Variants in MTUS2 observed in about 807,000 individuals in gnomAD.
MTUS2 encodes the protein microtubule-associated tumor suppressor candidate 2.
MTUS2 carries 40 observed loss-of-function variants against 114.1 expected under a neutral mutation model. That is an observed-to-expected ratio of 0.35 (90% CI 0.27 to 0.46). MTUS2 has a LOEUF of 0.46. MTUS2 is among the 20% of genes least tolerant of loss of function. MTUS2 has a pLI of 1.00. For missense variants in MTUS2, 1,679 were observed against 1,705.4 expected (o/e 0.98, Z 0.27); for synonymous variants, 688 against 672.0 (o/e 1.02, Z -0.37).
chr13:29,226,403 G>A (rs1314446460), intron 5 of MTUS2, among the ~76,000 whole-genome samples: 1 of 152,034 alleles, frequency 6.6e-6, no homozygotes, highest in Non-Finnish European at 1.5e-5. Context: ...AAATATCAAA[G>A]CTTTTCACTT....
chr13:29,053,583 T>A (rs1410866724), intron 4 of MTUS2, among the ~76,000 whole-genome samples: 1 of 152,200 alleles, frequency 6.6e-6, no homozygotes, highest in Non-Finnish European at 1.5e-5. Context: ...CCTACTACCT[T>A]ATCCCAGGTG....
intron 2 of MTUS2, among the ~76,000 whole-genome samples, chr13:28,876,760 G>A (rs1364456061): frequency 2.0e-5 from 3 of 152,082 alleles, no homozygotes; most frequent in Non-Finnish European, 4.4e-5. Context: ...AACAGAATCA[G>A]GGTTTCATTA....
intron 2 of MTUS2, among the ~76,000 whole-genome samples, chr13:28,891,834 C>T (rs1294300778): frequency 1.4e-5 from 2 of 139,056 alleles, no homozygotes; most frequent in South Asian, 2.3e-4. Context: ...GCCGAGATCA[C>T]GCCACTGCAC....
At chr13:28,825,936 T>C (rs897464672) in intron 1 of MTUS2, among the ~76,000 whole-genome samples, 2 of 152,208 alleles carry the variant, frequency 1.3e-5, no homozygotes, top group Non-Finnish European at 1.5e-5. Context: ...GTGCCTGTCA[T>C]GACTTCATGT....
intron 1 of MTUS2, among the ~76,000 whole-genome samples, chr13:28,831,390 C>T (rs1464068221): frequency 6.6e-6 from 1 of 152,114 alleles, no homozygotes; most frequent in Non-Finnish European, 1.5e-5. Context: ...CAACTATATG[C>T]CATTCACCAC....
chr13:29,025,736 G>A lies in MTUS2; in HGVS notation c.1038G>A (p.Arg346=). The A allele has an allele frequency of 1.2e-6, 2 of 1,613,988 alleles. No individual in the cohort carries two copies. Among genetic ancestry groups the A allele is most frequent in the African/African-American group, 1.3e-5 (1 of 75,040 alleles). Residue 346 remains arginine, a synonymous_variant, in exon 3 of 16, where the codon AGG becomes AGA. Coordinates refer to ENST00000612955, the MANE Select transcript of MTUS2 (RefSeq NM_001033602.4). ...KEENLSALEG[R]DPCGEAHPEA... is the part of the protein sequence containing the mutation. ...AGAATCTGTCAGCCTTGGAGGGAAG[G>A]GATCCATGTGGGGAAGCACACCCGG...
intron 5 of MTUS2, among the ~76,000 whole-genome samples, chr13:29,218,459 G>A (rs1044440816): frequency 5.3e-5 from 8 of 152,174 alleles, no homozygotes; most frequent in African/African-American, 1.9e-4. Context: ...CTGTGAATTA[G>A]AAATGTTCTT....
rs138160399 is a variant in MTUS2, at chr13:29,134,976, C to T, written c.2644+34006C>T. Among the ~76,000 whole-genome samples the T allele has an allele frequency of 6.4e-3, 976 of 152,250 alleles. 8 individuals are homozygous for T. Among genetic ancestry groups the T allele is most frequent in the African/African-American group, 0.022 (920 of 41,562 alleles). On this transcript the variant is annotated intron_variant, in intron 5 of 15. Transcript: ENST00000612955. ...CCCCTTTATCCATGATTTTGCTTTCCGAGGTTTCAATTACCTACTTCAACC... is the reference window on the plus strand; with the variant it reads ...CCCCTTTATCCATGATTTTGCTTTCTGAGGTTTCAATTACCTACTTCAACC...
chr13:29,123,555 A>G (rs1891397557), intron 5 of MTUS2, among the ~76,000 whole-genome samples: 1 of 152,092 alleles, frequency 6.6e-6, no homozygotes, highest in Admixed American at 6.6e-5. Context: ...TGTCTCTACT[A>G]AAAATACAAA....
chr13:29,420,234 A>G (rs1216603520), intron 8 of MTUS2, among the ~76,000 whole-genome samples: 1 of 146,626 alleles, frequency 6.8e-6, no homozygotes. Context: ...TCCTTCCTTA[A>G]CTTACTTTCT....
At chr13:29,366,629 C>T (rs12431152) in intron 8 of MTUS2, among the ~76,000 whole-genome samples, 69,596 of 152,046 alleles carry the variant, frequency 0.46, 19,008 homozygotes, top group East Asian at 0.65. Flanking sequence ...GGGACCATCA[C>T]GGTTTTGAAA....
At chr13:29,253,433 A>G (rs536094441) in intron 5 of MTUS2, among the ~76,000 whole-genome samples, 1 of 152,180 alleles carries the variant, frequency 6.6e-6, no homozygotes, top group African/African-American at 2.4e-5. Context: ...CTCAAAAAAA[A>G]AATTAAAAAT....
chr13:28,868,704 C>T (rs1877444339), intron 2 of MTUS2, among the ~76,000 whole-genome samples: 1 of 152,084 alleles, frequency 6.6e-6, no homozygotes, highest in African/African-American at 2.4e-5. Flanking sequence ...GTTTTGTTGC[C>T]CATAGTTCAT....
At chr13:29,170,069 G>T (rs1434176593) in intron 5 of MTUS2, among the ~76,000 whole-genome samples, 1 of 152,258 alleles carries the variant, frequency 6.6e-6, no homozygotes, top group Non-Finnish European at 1.5e-5. Context: ...AAGAAGTGAA[G>T]GCCTGAGAAG....
intron 6 of MTUS2, among the ~76,000 whole-genome samples, chr13:29,317,052 C>T (rs896871029): frequency 1.3e-5 from 2 of 152,160 alleles, no homozygotes; most frequent in African/African-American, 2.4e-5. Flanking sequence ...ACTCTTCTGT[C>T]CTTATCTTTT....
chr13:29,365,167 G>A (rs1025303685), intron 8 of MTUS2, among the ~76,000 whole-genome samples: 11 of 152,160 alleles, frequency 7.2e-5, no homozygotes, highest in African/African-American at 2.7e-4. Flanking sequence ...GAAGTTTTTA[G>A]CACAACCCCC....
At chr13:28,948,571 A>G (rs1566244729) in intron 2 of MTUS2, among the ~76,000 whole-genome samples, 1 of 152,118 alleles carries the variant, frequency 6.6e-6, no homozygotes, top group African/African-American at 2.4e-5. Flanking sequence ...GATTTCTAAG[A>G]TTTTTCCCCC....
chr13:29,020,493 G>A (rs1233849927), intron 2 of MTUS2, among the ~76,000 whole-genome samples: 2 of 152,180 alleles, frequency 1.3e-5, no homozygotes, highest in African/African-American at 4.8e-5. Flanking sequence ...GGCAGGATGA[G>A]GGAGCTGGAG....
intron 7 of MTUS2, among the ~76,000 whole-genome samples, chr13:29,357,602 T>C (rs1359035219): frequency 2.6e-5 from 4 of 152,230 alleles, no homozygotes; most frequent in Admixed American, 2.0e-4. Context: ...TTGATGATGT[T>C]TAGTTGGTAG....
Sources: allele counts gnomAD v4.1 joint callset (sites outside exome capture counted in the v4.1 genomes callset), GRCh38; gene constraint gnomAD v4.1.1; transcripts MANE v1.5; gene names NCBI Gene and HGNC (gene_info 2026-07-23, HGNC 2026-07-21).